NRG2: variants seen among roughly 807,000 people sequenced by gnomAD.
NRG2 encodes the protein pro-neuregulin-2, membrane-bound isoform.
A neutral mutation model predicts 73.9 loss-of-function variants in NRG2; 27 were observed. The ratio of observed to expected loss-of-function variants is 0.37; its 90% CI spans 0.27 to 0.50. NRG2 has a LOEUF of 0.50. Among genes scored for constraint, NRG2 ranks in the 20% least tolerant of loss-of-function variants. NRG2 has a pLI of 0.96. For missense variants in NRG2, 1,126 were observed against 1,210.1 expected, an observed-to-expected ratio of 0.93 and a Z score of 1.03; for synonymous variants, 532 against 541.0, an observed-to-expected ratio of 0.98 and a Z score of 0.23.
intron 1 of NRG2, among the ~76,000 whole-genome samples, chr5:139,925,973 T>C (rs1033310114): frequency 6.6e-6 from 1 of 152,174 alleles, no homozygotes; most frequent in Non-Finnish European, 1.5e-5. Flanking sequence ...CCCAGGCAAC[T>C]TTATCTTATT....
chr5:139,967,974 AAAAT>A (rs58017535), intron 1 of NRG2, among the ~76,000 whole-genome samples: 16,540 of 144,392 alleles, frequency 0.11, 991 homozygotes, highest in Admixed American at 0.16. Context: ...ATAAAACATA[AAAAT>A]AAATAAATAA....
intron 1 of NRG2, among the ~76,000 whole-genome samples, chr5:139,923,759 G>C: frequency 6.6e-6 from 1 of 152,122 alleles, no homozygotes; most frequent in Admixed American, 6.5e-5. Flanking sequence ...TGACAAATGA[G>C]AGATGAAGAA....
At position 139,915,244 on chromosome 5, in the gene NRG2, A is replaced by G. The variant is rs73271459; in HGVS notation, c.701-27733T>C. ...ATCATAATTTTATTTTTAAGAGCTT[A>G]TTACCAAATAGGCTGTAAATGGCTT... On this transcript the variant is annotated intron_variant, in intron 1 of 9. Coordinates refer to ENST00000361474, the MANE Select transcript of NRG2 (RefSeq NM_004883.3). This position sits in a 1 kb window ranked among gnomAD's most constrained non-coding sequence, Gnocchi z 4.0. Among the ~76,000 whole-genome samples the G allele has an allele frequency of 0.034, 5,111 of 152,304 alleles. 305 individuals carry two copies. The highest frequency in any genetic ancestry group is 0.12 in the African/African-American group (4,880 of 41,552).
At chr5:140,014,208 C>T (rs1194348198) in intron 1 of NRG2, among the ~76,000 whole-genome samples, 1 of 151,710 alleles carries the variant, frequency 6.6e-6, no homozygotes, top group Admixed American at 6.6e-5. Context: ...TATCATGTCT[C>T]CAGTCGCTCA....
intron 1 of NRG2, among the ~76,000 whole-genome samples, chr5:139,892,693 C>A (rs1358125380): frequency 6.6e-6 from 1 of 152,090 alleles, no homozygotes; most frequent in African/African-American, 2.4e-5. Context: ...CAGAGCTGAA[C>A]CAAGCAGAGG....
chr5:140,004,503 T>G (rs1758739436), intron 1 of NRG2, among the ~76,000 whole-genome samples: 1 of 152,200 alleles, frequency 6.6e-6, no homozygotes, highest in South Asian at 2.1e-4. Flanking sequence ...TTGTCACCAG[T>G]AAGATGCCCT....
At chr5:139,965,576 A>T (rs945980465) in intron 1 of NRG2, among the ~76,000 whole-genome samples, 1 of 152,174 alleles carries the variant, frequency 6.6e-6, no homozygotes, top group Non-Finnish European at 1.5e-5. Context: ...GGGCCTGAAT[A>T]TTCACCCAAT....
intron 1 of NRG2, among the ~76,000 whole-genome samples, chr5:139,888,152 A>C (rs1763991868): frequency 6.6e-6 from 1 of 151,684 alleles, no homozygotes; most frequent in Non-Finnish European, 1.5e-5. Flanking sequence ...TGAAAGAGAA[A>C]GTACTCTCTT....
chr5:140,000,502 C>A (rs1758365338), intron 1 of NRG2, among the ~76,000 whole-genome samples: 2 of 152,242 alleles, frequency 1.3e-5, no homozygotes, highest in African/African-American at 4.8e-5. Context: ...CTGAACCAAG[C>A]CAGTTGTTAA....
chr5:139,968,162 C>T (rs970689127), intron 1 of NRG2, among the ~76,000 whole-genome samples: 1 of 152,024 alleles, frequency 6.6e-6, no homozygotes, highest in Non-Finnish European at 1.5e-5. Flanking sequence ...TCCCACTCTC[C>T]GATAGTCCCG....
rs1320621738 is a variant in NRG2 at position 139,853,567 on chromosome 5, C to T, written c.1293-540G>A. Among the ~76,000 whole-genome samples the T allele has an allele frequency of 2.0e-5, 3 of 152,212 alleles. No homozygotes were observed. The South Asian group carries it at 6.2e-4, about 32-fold the overall frequency. ...GTAAACACATAAACAAAGCAATGAA[C>T]TAGATACTTTCAATAAAGTTCCATG... is the stretch of plus-strand genomic sequence containing the variant. On this transcript the variant is annotated intron_variant, in intron 6 of 9. Coordinates refer to ENST00000361474, the MANE Select transcript of NRG2 (RefSeq NM_004883.3). This position sits in a 1 kb window ranked among gnomAD's most constrained non-coding sequence, Gnocchi z 4.1.
Position 140,008,110 on chromosome 5 carries a change from T to C in NRG2, c.700+34260A>G, listed in dbSNP as rs1759055685. On this transcript the variant is annotated intron_variant, in intron 1 of 9. Transcript: ENST00000361474. This position sits in a 1 kb window ranked among gnomAD's most constrained non-coding sequence, Gnocchi z 4.2. ...ATGTGGGGAGCACCACACAGGAATG[T>C]GTTCCCATGGGCAGCCTGACATCTA... Among the ~76,000 whole-genome samples the C allele has an allele frequency of 6.6e-6, 1 of 152,188 alleles. No individual in the cohort carries two copies. Among genetic ancestry groups the C allele is most frequent in the African/African-American group, 2.4e-5 (1 of 41,446 alleles).
intron 1 of NRG2, among the ~76,000 whole-genome samples, chr5:139,987,325 G>A (rs570262017): frequency 3.0e-5 from 4 of 132,872 alleles, no homozygotes; most frequent in South Asian, 4.6e-4. Flanking sequence ...CTGAGATCGC[G>A]CCACTGCGCT....
At chr5:139,997,173 TA>T (rs1184471076) in intron 1 of NRG2, among the ~76,000 whole-genome samples, 46 of 151,750 alleles carry the variant, frequency 3.0e-4, no homozygotes, top group African/African-American at 1.1e-3. Context: ...AAAATGGAAA[TA>T]AAAATAAAAG....
intron 1 of NRG2, among the ~76,000 whole-genome samples, chr5:140,018,750 G>A (rs1235639381): frequency 1.3e-5 from 2 of 152,210 alleles, no homozygotes; most frequent in Non-Finnish European, 2.9e-5. Flanking sequence ...CTTGACTCCT[G>A]CAGATCCAGA....
At chr5:139,998,599 T>A (rs1367048694) in intron 1 of NRG2, among the ~76,000 whole-genome samples, 1 of 152,060 alleles carries the variant, frequency 6.6e-6, no homozygotes, top group Non-Finnish European at 1.5e-5. Flanking sequence ...TCTCTACTAG[T>A]GATGTGGAAA....
At position 139,937,865 on chromosome 5, in the gene NRG2, T is replaced by C. The variant is rs530291253; in HGVS notation, c.701-50354A>G. ...ATATTCTGTGAACACACAGAATATA[T>C]TTTTTAAAAACTCTTACACATACAT... On this transcript the variant is annotated intron_variant, in intron 1 of 9. Transcript: ENST00000361474. Among the ~76,000 whole-genome samples, 6 of 152,332 alleles carry C rather than the reference T, an allele frequency of 3.9e-5. No individual in the cohort carries two copies. The South Asian group carries it at 1.2e-3, about 32-fold the overall frequency.
At chr5:140,006,097 A>G (rs1758875941) in intron 1 of NRG2, among the ~76,000 whole-genome samples, 1 of 152,310 alleles carries the variant, frequency 6.6e-6, no homozygotes, top group Non-Finnish European at 1.5e-5. Flanking sequence ...TCATGGCTTG[A>G]CCTGCTGAGG....
chr5:139,867,797 T>TGTGTGTGTGTG (rs59687459), intron 4 of NRG2, among the ~76,000 whole-genome samples: 2 of 101,888 alleles, frequency 2.0e-5, no homozygotes, highest in South Asian at 3.4e-4. Flanking sequence ...TGTGTGTGTG[T>TGTGTGTGTGTG]ATGAGTGTGT....
Sources: allele counts gnomAD v4.1 joint callset (sites outside exome capture counted in the v4.1 genomes callset), GRCh38; gene constraint gnomAD v4.1.1; non-coding constraint Gnocchi (gnomAD v3.1); transcripts MANE v1.5; gene names NCBI Gene and HGNC (gene_info 2026-07-23, HGNC 2026-07-21).